The following LAMB1 variants were observed in gnomAD, a reference collection of about 807,000 sequenced individuals.
LAMB1 encodes the protein laminin subunit beta 1, also known as laminin subunit beta-1.
A neutral mutation model predicts 222.3 loss-of-function variants in LAMB1; 121 were observed. That is an observed-to-expected ratio of 0.54 (90% CI 0.47 to 0.63). The LOEUF is 0.63. Among genes scored for constraint, LAMB1 ranks in the 30% least tolerant of loss-of-function variants. LAMB1 has a pLI of 0.00. For synonymous variants in LAMB1, 794 were observed against 807.2 expected, an observed-to-expected ratio of 0.98 and a Z score of 0.28; for missense variants, 2,172 against 2,240.8, an observed-to-expected ratio of 0.97 and a Z score of 0.62.
At chr7:107,981,904 G>A (rs950084177) in intron 7 of LAMB1, among the ~76,000 whole-genome samples, 11 of 152,152 alleles carry the variant, frequency 7.2e-5, no homozygotes, top group African/African-American at 2.7e-4. Context: ...ACAACCTAAG[G>A]AGAGAACATT....
Position 107,954,952 on chromosome 7 carries a change from TG to T in LAMB1, c.2854+514del, listed in dbSNP as rs58398651. ...GTTACATATAAACATAATCAGTATT[TG>T]TAACAGTGGCTTCAAGGATGAAATA... is the stretch of plus-strand genomic sequence containing the variant. On this transcript the variant is annotated intron_variant, in intron 21 of 33. Transcript: ENST00000222399. 0.017 allele frequency among the ~76,000 whole-genome samples: 2,592 copies of T among 152,318 alleles called. 152 individuals are homozygous for T. The East Asian group carries it at 0.24, about 14-fold the overall frequency.
At chr7:107,956,680 C>T (rs1426712074) in intron 20 of LAMB1, among the ~76,000 whole-genome samples, 5 of 152,214 alleles carry the variant, frequency 3.3e-5, no homozygotes, top group Non-Finnish European at 5.9e-5. Context: ...GGCAAGCCCA[C>T]GGTGGCCACA....
intron 20 of LAMB1, among the ~76,000 whole-genome samples, chr7:107,957,455 G>A (rs1386051003): frequency 6.6e-6 from 1 of 152,234 alleles, no homozygotes; most frequent in African/African-American, 2.4e-5. Context: ...GGCTGAGGCA[G>A]GAGAATTGCT....
At chr7:107,933,270 CAA>C (rs1468790915) in intron 27 of LAMB1, among the ~76,000 whole-genome samples, 1 of 152,058 alleles carries the variant, frequency 6.6e-6, no homozygotes, top group Non-Finnish European at 1.5e-5. Flanking sequence ...GAAAAGAAGA[CAA>C]AGATTTACTG....
chr7:107,951,351 G>GCAGGCTT, intron 23 of LAMB1, 29 bp from the exon 24 acceptor site: 1 of 1,602,200 alleles, frequency 6.2e-7, no homozygotes, highest in Admixed American at 1.7e-5. Flanking sequence ...CCTTGGTCAA[G>GCAGGCTT]CAGGCTTCAG....
intron 3 of LAMB1, 102 bp from the exon 4 acceptor site, chr7:107,998,594 T>C (rs116517103): frequency 3.2e-6 from 3 of 934,630 alleles, no homozygotes; most frequent in Non-Finnish European, 4.8e-6. Flanking sequence ...ATCAACCTAT[T>C]AGCTTCAAGA....
chr7:107,975,619 C>T, intron 10 of LAMB1, 70 bp downstream of exon 10: 1 of 1,442,556 alleles, frequency 6.9e-7, no homozygotes, highest in Non-Finnish European at 9.5e-7. Context: ...AGCTCTGAGA[C>T]TACTGACTAT....
intron 8 of LAMB1, among the ~76,000 whole-genome samples, chr7:107,979,736 C>G (rs1563001915): frequency 6.6e-6 from 1 of 152,202 alleles, no homozygotes; most frequent in Non-Finnish European, 1.5e-5. Context: ...GAAACCAACT[C>G]CATTTGATCC....
rs1460211631 is a variant in LAMB1 at position 107,975,557 on chromosome 7, C to T, written c.1189+132G>A. 71 of 1,215,896 alleles carry T rather than the reference C, an allele frequency of 5.8e-5. 1 individual carries two copies. Among genetic ancestry groups the T allele is most frequent in the Non-Finnish European group, 3.1e-5 (27 of 876,804 alleles). 75.3% of individuals were successfully genotyped at this position (1,215,896 alleles called of 1,614,324 possible). On this transcript the variant is annotated intron_variant, in intron 10 of 33. Transcript: ENST00000222399. ...ACTACCAAGTAAATTCCACTCCCAG[C>T]GTCTTCAACTGCAATTACAATAACA...
chr7:107,952,252 G>T, intron 22 of LAMB1, 29 bp from the exon 23 acceptor site: 2 of 1,528,504 alleles, frequency 1.3e-6, no homozygotes, highest in South Asian at 1.2e-5. Context: ...TTTACTTATT[G>T]TCACACTCCC....
intron 30 of LAMB1, 82 bp downstream of exon 30, chr7:107,929,330 A>G (rs2032647328): frequency 1.3e-6 from 2 of 1,504,088 alleles, no homozygotes; most frequent in East Asian, 4.5e-5. Flanking sequence ...TCCTTCTTAG[A>G]AGTTTCATTG....
intron 21 of LAMB1, among the ~76,000 whole-genome samples, chr7:107,954,054 T>TCCTA (rs1161427990): frequency 3.3e-5 from 5 of 152,118 alleles, no homozygotes; most frequent in African/African-American, 1.2e-4. Context: ...GACAGTTAGG[T>TCCTA]CCTAGCACAT....
chr7:107,969,216 A>G (rs1251417037), intron 13 of LAMB1, among the ~76,000 whole-genome samples: 2 of 151,130 alleles, frequency 1.3e-5, no homozygotes, highest in African/African-American at 2.4e-5. Context: ...TGAACCTGGG[A>G]TGCGGAGCTT....
At chr7:107,924,655 A>C (rs758501307) in intron 32 of LAMB1, among the ~76,000 whole-genome samples, 2 of 152,204 alleles carry the variant, frequency 1.3e-5, no homozygotes, top group African/African-American at 4.8e-5. Flanking sequence ...TCTATAGAAA[A>C]GTTGTAGCAT....
chr7:107,977,453 T>C (rs1181338240), intron 9 of LAMB1, among the ~76,000 whole-genome samples: 1 of 152,170 alleles, frequency 6.6e-6, no homozygotes, highest in Non-Finnish European at 1.5e-5. Context: ...TCAGCTACCC[T>C]GCCATATAGT....
intron 27 of LAMB1, among the ~76,000 whole-genome samples, chr7:107,933,422 CAACT>C (rs1562975321): frequency 6.6e-6 from 1 of 152,024 alleles, no homozygotes; most frequent in East Asian, 1.9e-4. Context: ...TCTCAAATTA[CAACT>C]AAATAAGTCA....
intron 24 of LAMB1, among the ~76,000 whole-genome samples, chr7:107,949,857 T>C (rs1007618085): frequency 1.6e-4 from 24 of 152,196 alleles, no homozygotes; most frequent in African/African-American, 5.1e-4. Flanking sequence ...GTAGGAGATA[T>C]TGAATGAGTT....
chr7:107,950,099 G>A lies in LAMB1; in HGVS notation c.3391+1127C>T, dbSNP rs1026208260. The stretch of plus-strand genomic sequence containing the variant: ...ACAAAAATTAGCCGGGCGTGGTGGC[G>A]CTTGCCTGTAACTCCAGTTATTTGG... On this transcript the variant is annotated intron_variant, in intron 24 of 33. Transcript: ENST00000222399. Among the ~76,000 whole-genome samples the A allele has an allele frequency of 4.6e-5, 7 of 152,226 alleles. No homozygotes were observed. In the South Asian group the frequency reaches 8.3e-4, roughly 18 times the overall value.
intron 21 of LAMB1, among the ~76,000 whole-genome samples, chr7:107,955,221 A>T (rs1279938864): frequency 6.6e-6 from 1 of 152,220 alleles, no homozygotes; most frequent in Non-Finnish European, 1.5e-5. Context: ...AGTGTTCCAC[A>T]GGGTTTCTAG....
Sources: allele counts gnomAD v4.1 joint callset (sites outside exome capture counted in the v4.1 genomes callset), GRCh38; gene constraint gnomAD v4.1.1; transcripts MANE v1.5; gene names NCBI Gene and HGNC (gene_info 2026-07-23, HGNC 2026-07-21).